Variants in SLC12A7 observed in about 807,000 individuals in gnomAD.
SLC12A7 encodes solute carrier family 12 member 7, also known as K-Cl cotransporter 4.
In SLC12A7, 100 loss-of-function variants were observed where a neutral mutation model predicts 120.6. That is an observed-to-expected ratio of 0.83 (90% CI 0.71 to 0.98). SLC12A7 has a LOEUF of 0.98. SLC12A7 is among the 50% of genes least tolerant of loss of function. The pLI, the probability that SLC12A7 is intolerant of heterozygous loss-of-function variation, is 0.00. For synonymous variants in SLC12A7, 760 were observed against 678.0 expected (o/e 1.12, Z -1.88); for missense variants, 1,373 against 1,548.1 (o/e 0.89, Z 1.90).
chr5:1,138,024 C>G, the SLC12A7 span, among the ~76,000 whole-genome samples: 6 of 152,238 alleles, frequency 3.9e-5, no homozygotes, highest in Non-Finnish European at 7.3e-5. Flanking sequence ...ACCCGCCCCT[C>G]CTCTTCTCAG....
At position 1,065,175 on chromosome 5, in the gene SLC12A7, A is replaced by G. The variant is rs4362981; in HGVS notation, c.2437+108T>C. ...GTGGGGACGAAAAGGGGACAGTGAG[A>G]GGACAGCGAGGGGACACTGAGGAGA... is the stretch of plus-strand genomic sequence containing the variant. On this transcript the variant is annotated intron_variant, in intron 18 of 23. Transcript: ENST00000264930. 0.98 allele frequency: 968,937 copies of G among 989,498 alleles called. 474,574 individuals carry two copies. Among genetic ancestry groups the G allele is most frequent in the East Asian group, 1 (38,041 of 38,216 alleles). 61.3% of individuals were successfully genotyped at this position (989,498 alleles called of 1,614,324 possible).
At chr5:1,091,696 C>G (rs943873199) in intron 3 of SLC12A7, among the ~76,000 whole-genome samples, 2 of 152,042 alleles carry the variant, frequency 1.3e-5, no homozygotes, top group Non-Finnish European at 2.9e-5. Flanking sequence ...GAGTGCTGAG[C>G]CCGGCACACC....
At chr5:1,084,985 C>T (rs1042192005) in intron 7 of SLC12A7, among the ~76,000 whole-genome samples, 19 of 152,256 alleles carry the variant, frequency 1.2e-4, no homozygotes, top group African/African-American at 3.4e-4. Context: ...AGACCCCTCA[C>T]CAGCCCTCCT....
intron 1 of SLC12A7, among the ~76,000 whole-genome samples, chr5:1,106,723 C>G (rs1341456717): frequency 6.6e-6 from 1 of 152,204 alleles, no homozygotes; most frequent in African/African-American, 2.4e-5. Context: ...AACAGGATCT[C>G]GGGACCCAAA....
intron 17 of SLC12A7, among the ~76,000 whole-genome samples, chr5:1,067,875 G>A (rs937174037): frequency 1.3e-5 from 2 of 151,996 alleles, no homozygotes; most frequent in Non-Finnish European, 2.9e-5. Context: ...CGGGGACCCT[G>A]TTATCACAAG....
At position 1,057,501 on chromosome 5, in the gene SLC12A7, G is replaced by C; in HGVS notation, c.2996C>G (p.Ser999Cys). 1 of 1,613,070 alleles carries C rather than the reference G, an allele frequency of 6.2e-7. No homozygotes were observed. Among genetic ancestry groups the C allele is most frequent in the Non-Finnish European group, 8.5e-7 (1 of 1,179,888 alleles). ...EKYRSRDTSL[S>C]GFKDLFSMKP... is the part of the protein sequence containing the mutation. ...CATGCTGAAGAGGTCTTTGAAACCA[G>C]ATAGGCTGGTGTCTCTGCTCCTGTA... The change falls in exon 22 of 24, where the codon TCT (serine) becomes TGT (cysteine). Residue 999 changes from serine (S) to cysteine (C), a missense_variant. Physicochemically the swap from Ser to Cys is moderately radical, Grantham distance 112 (BLOSUM62 -1). Coordinates refer to ENST00000264930, the MANE Select transcript of SLC12A7 (RefSeq NM_006598.3).
At chr5:1,123,092 C>T in the SLC12A7 span, among the ~76,000 whole-genome samples, 4 of 152,332 alleles carry the variant, frequency 2.6e-5, no homozygotes, top group Admixed American at 2.6e-4. Context: ...TGAGCCGCTG[C>T]CACTGCCACT....
chr5:1,081,859 C>T (rs1739162900), intron 8 of SLC12A7, 115 bp from the exon 9 acceptor site: 11 of 1,241,636 alleles, frequency 8.9e-6, no homozygotes, highest in Non-Finnish European at 1.2e-5. Context: ...AGGGTCACAG[C>T]TTGTGCGCCG....
intron 21 of SLC12A7, among the ~76,000 whole-genome samples, chr5:1,058,111 G>A (rs1735817962): frequency 6.6e-6 from 1 of 152,246 alleles, no homozygotes. Context: ...CCAGCCAGGG[G>A]ACGTTTGGGG....
At chr5:1,136,215 T>A in the SLC12A7 span, among the ~76,000 whole-genome samples, 1 of 152,034 alleles carries the variant, frequency 6.6e-6, no homozygotes, top group Non-Finnish European at 1.5e-5. Flanking sequence ...ATCCGTGCAA[T>A]AGAGGGAAAC....
intron 11 of SLC12A7, 39 bp downstream of exon 11, chr5:1,078,662 A>T (rs781264935): frequency 1.3e-6 from 2 of 1,542,132 alleles, no homozygotes; most frequent in Non-Finnish European, 9.0e-7. Flanking sequence ...ACCCTTGAAG[A>T]CTACAGGCTT....
chr5:1,081,615 A>G lies in SLC12A7; in HGVS notation c.1259T>C (p.Phe420Ser). ...PYVLTDIAAS[F>S]TLLVGIYFPS... is the part of the protein sequence containing the mutation. ...GAAGTAGATGCCAACCAGCAGGGTG[A>G]AGGAGGCCGCGATGTCGGTGAGCAC... Residue 420 changes from phenylalanine to serine, a missense_variant, in exon 9 of 24, where the codon TTC becomes TCC. Coordinates refer to ENST00000264930, the MANE Select transcript of SLC12A7 (RefSeq NM_006598.3). 2 of 1,610,570 alleles carry G rather than the reference A, an allele frequency of 1.2e-6. No individual in the cohort carries two copies. Among genetic ancestry groups the G allele is most frequent in the South Asian group, 2.2e-5 (2 of 91,020 alleles).
the SLC12A7 span, among the ~76,000 whole-genome samples, chr5:1,148,037 C>G: frequency 6.6e-6 from 1 of 152,110 alleles, no homozygotes; most frequent in East Asian, 1.9e-4. Flanking sequence ...CCTGTAACTT[C>G]TGTCTCCCTG....
the SLC12A7 span, among the ~76,000 whole-genome samples, chr5:1,150,152 G>T: frequency 6.6e-6 from 1 of 152,170 alleles, no homozygotes; most frequent in African/African-American, 2.4e-5. Context: ...CATCCTCTGG[G>T]TATGAACCCC....
chr5:1,086,100 C>G (rs1189283313), intron 6 of SLC12A7, among the ~76,000 whole-genome samples: 1 of 152,156 alleles, frequency 6.6e-6, no homozygotes, highest in Non-Finnish European at 1.5e-5. Flanking sequence ...GCAGCCACGG[C>G]ACCCGGGGCA....
intron 6 of SLC12A7, among the ~76,000 whole-genome samples, chr5:1,086,145 G>C (rs950401901): frequency 6.6e-6 from 1 of 152,168 alleles, no homozygotes; most frequent in Non-Finnish European, 1.5e-5. Context: ...CAGGGGACTC[G>C]GGTTGGGACG....
chr5:1,154,160 C>G, the SLC12A7 span, among the ~76,000 whole-genome samples: 1 of 152,050 alleles, frequency 6.6e-6, no homozygotes, highest in Non-Finnish European at 1.5e-5. Flanking sequence ...TCCACCTCAT[C>G]TCCACAGGCT....
the SLC12A7 span, among the ~76,000 whole-genome samples, chr5:1,145,079 G>A: frequency 6.6e-6 from 1 of 152,268 alleles, no homozygotes; most frequent in African/African-American, 2.4e-5. The surrounding 1 kb of genome is among the most constrained non-coding windows in gnomAD (Gnocchi z 4.4). Flanking sequence ...GGGCTGGAGA[G>A]AGCCTGCGTG....
At position 1,051,398 on chromosome 5, in the gene SLC12A7, G is replaced by C. The variant is rs1735021238; in HGVS notation, c.*962C>G. 6.5e-6 allele frequency: 1 copy of C among 153,800 alleles called. No homozygotes were observed. The highest frequency in any genetic ancestry group is 2.4e-5 in the African/African-American group (1 of 41,520). The allele number at this position is 153,800 out of a possible 1,614,324, so 9.5% of individuals were successfully genotyped here. ...GTGCCGTGCTCCTGGGGTGGGGTGG[G>C]GTGGGGAGGGCAGTCCTGGCTGTCG... On this transcript the variant is annotated 3_prime_UTR_variant, in exon 24 of 24. Transcript: ENST00000264930.
Sources: allele counts gnomAD v4.1 joint callset (sites outside exome capture counted in the v4.1 genomes callset), GRCh38; gene constraint gnomAD v4.1.1; non-coding constraint Gnocchi (gnomAD v3.1); transcripts MANE v1.5; gene names NCBI Gene and HGNC (gene_info 2026-07-23, HGNC 2026-07-21).